Variants in PLCE1 observed in about 807,000 individuals in gnomAD.
PLCE1 encodes the protein 1-phosphatidylinositol 4,5-bisphosphate phosphodiesterase epsilon-1.
PLCE1 carries 119 observed loss-of-function variants against 242.8 expected under a neutral mutation model. The ratio of observed to expected loss-of-function variants is 0.49; its 90% CI spans 0.42 to 0.57. The LOEUF is 0.57. Ranked by LOEUF, PLCE1 falls within the 20% of genes least tolerant of loss-of-function variation. The pLI is 0.00. For synonymous variants in PLCE1, 945 were observed against 1,017.4 expected (o/e 0.93, Z 1.35); for missense variants, 2,441 against 2,788.8 (o/e 0.88, Z 2.81).
intron 2 of PLCE1, chr10:94,094,613 T>C (rs1345222161): frequency 6.6e-6 from 1 of 152,152 alleles, no homozygotes; most frequent in African/African-American, 2.4e-5. Context: ...AGGAAGGGAA[T>C]GATTAGACAT....
chr10:94,160,983 A>C (rs1018429115), intron 3 of PLCE1, among the ~76,000 whole-genome samples: 1 of 152,192 alleles, frequency 6.6e-6, no homozygotes, highest in African/African-American at 2.4e-5. Context: ...TTTTGGTACC[A>C]GTACCATGCT....
chr10:94,231,954 GTGGGGACCCCTGGTCTAAGAC>G (rs1032045339), intron 5 of PLCE1, among the ~76,000 whole-genome samples: 9 of 152,208 alleles, frequency 5.9e-5, no homozygotes, highest in African/African-American at 2.2e-4. Flanking sequence ...CGGCCCAGGG[GTGGGGACCCCTGGTCTAAGAC>G]TATCTACCAT....
At chr10:94,084,110 G>A (rs1476167299) in intron 2 of PLCE1, among the ~76,000 whole-genome samples, 1 of 152,218 alleles carries the variant, frequency 6.6e-6, no homozygotes, top group Non-Finnish European at 1.5e-5. Flanking sequence ...TTGGAGTAAG[G>A]AGTGCGCTTC....
chr10:94,308,552 A>T (rs1249514417), intron 26 of PLCE1, 29 bp from the exon 27 acceptor site: 4 of 1,461,058 alleles, frequency 2.7e-6, no homozygotes, highest in Non-Finnish European at 3.8e-6. Context: ...CATGGTTAAC[A>T]AGCTTTTCCC....
chr10:94,211,852 C>T (rs2049341593), intron 4 of PLCE1, among the ~76,000 whole-genome samples: 1 of 152,142 alleles, frequency 6.6e-6, no homozygotes, highest in African/African-American at 2.4e-5. Flanking sequence ...AGAGGACCTA[C>T]TGAACTACTG....
chr10:94,048,919 T>A (rs780852639), intron 2 of PLCE1, among the ~76,000 whole-genome samples: 8 of 151,168 alleles, frequency 5.3e-5, no homozygotes, highest in Non-Finnish European at 1.2e-4. Context: ...CAGGCATGCA[T>A]GCCTGGCTAT....
At position 94,245,472 on chromosome 10, in the gene PLCE1, G is replaced by T. The variant is rs1026077320; in HGVS notation, c.2421-474G>T. On this transcript the variant is annotated intron_variant, in intron 7 of 32. Transcript: ENST00000371380. The stretch of plus-strand genomic sequence containing the variant: ...CTAAAGATAAGAATACAGTTATAAA[G>T]AATATTAGAATACGGTTATAAAAAG... Among the ~76,000 whole-genome samples the T allele has an allele frequency of 7.9e-5, 12 of 151,892 alleles. No individual in the cohort carries two copies. The South Asian group carries it at 2.5e-3, about 32-fold the overall frequency.
intron 2 of PLCE1, among the ~76,000 whole-genome samples, chr10:94,097,908 A>T (rs1168892630): frequency 6.6e-6 from 1 of 152,152 alleles, no homozygotes; most frequent in African/African-American, 2.4e-5. Flanking sequence ...AAGGAGAGGA[A>T]AGAGACAAAG....
intron 17 of PLCE1, among the ~76,000 whole-genome samples, chr10:94,269,428 C>T (rs1157801221): frequency 6.6e-6 from 1 of 152,000 alleles, no homozygotes; most frequent in Non-Finnish European, 1.5e-5. Flanking sequence ...AAATCAGTGA[C>T]TTGACCAAAT....
chr10:94,282,730 A>T (rs2052285854), intron 20 of PLCE1, among the ~76,000 whole-genome samples: 2 of 152,068 alleles, frequency 1.3e-5, no homozygotes, highest in Non-Finnish European at 2.9e-5. Context: ...TGTTTAATTT[A>T]TCTGGTGTTT....
Position 94,264,741 on chromosome 10 carries a change from C to T in PLCE1, c.4054-906C>T, listed in dbSNP as rs375293512. On this transcript the variant is annotated intron_variant, in intron 14 of 32. Coordinates refer to ENST00000371380, the MANE Select transcript of PLCE1 (RefSeq NM_016341.4). ...TTCACCATGTTGGCCAGGCTGGTCT[C>T]GAACTCCTGACCTCGTGATCCACCC... 7.9e-5 allele frequency among the ~76,000 whole-genome samples: 12 copies of T among 151,844 alleles called. No individual in the cohort carries two copies. The East Asian group carries it at 2.3e-3, about 30-fold the overall frequency.
chr10:94,003,412 T>C (rs2060969814), intron 1 of PLCE1, among the ~76,000 whole-genome samples: 1 of 152,238 alleles, frequency 6.6e-6, no homozygotes, highest in Non-Finnish European at 1.5e-5. Context: ...CCTGCTCATG[T>C]GTTCTATCAG....
At chr10:94,024,976 A>G (rs1005457952) in intron 1 of PLCE1, among the ~76,000 whole-genome samples, 2 of 152,002 alleles carry the variant, frequency 1.3e-5, no homozygotes, top group Non-Finnish European at 2.9e-5. Flanking sequence ...GTGACAGAAA[A>G]CCCAAGACAA....
At chr10:94,051,553 C>T (rs79000698) in intron 2 of PLCE1, among the ~76,000 whole-genome samples, 2,712 of 152,142 alleles carry the variant, frequency 0.018, 72 homozygotes, top group African/African-American at 0.052. Context: ...CCAAAACTAG[C>T]CGGAAATTTC....
chr10:94,003,592 G>A (rs545092982), intron 1 of PLCE1, among the ~76,000 whole-genome samples: 4 of 15,880 alleles, frequency 2.5e-4, no homozygotes, highest in Admixed American at 9.5e-4. Flanking sequence ...CATCAAATGC[G>A]AGAATTAAAA....
chr10:94,278,367 A>G (rs1295350299), intron 19 of PLCE1, among the ~76,000 whole-genome samples: 1 of 152,208 alleles, frequency 6.6e-6, no homozygotes, highest in African/African-American at 2.4e-5. Flanking sequence ...GGAATAAACT[A>G]CAGTAATATA....
At chr10:94,036,755 G>A (rs1300206997) in intron 2 of PLCE1, among the ~76,000 whole-genome samples, 1 of 152,106 alleles carries the variant, frequency 6.6e-6, no homozygotes, top group Admixed American at 6.6e-5. Context: ...GAGGAGTTTA[G>A]ATACATATAG....
intron 1 of PLCE1, among the ~76,000 whole-genome samples, chr10:94,018,350 T>G (rs538990958): frequency 3.4e-4 from 52 of 152,314 alleles, no homozygotes; most frequent in African/African-American, 1.2e-3. Context: ...AGAACTTTCC[T>G]GGGCTTGCCC....
At position 94,325,088 on chromosome 10, in the gene PLCE1, C is replaced by T. The variant is rs1471036525; in HGVS notation, c.*8C>T. ...ATGGATTACCGACAGTGACTAAGGG[C>T]AGCATGTTTAACCCAGGTATAGTAA... On this transcript the variant is annotated 3_prime_UTR_variant, in exon 32 of 33. Transcript: ENST00000371380. 1 of 1,612,976 alleles carries T rather than the reference C, an allele frequency of 6.2e-7. No homozygotes were observed. The highest frequency in any genetic ancestry group is 1.3e-5 in the African/African-American group (1 of 74,882).
Sources: gnomAD v4.1 joint callset for allele counts (sites outside exome capture counted in the v4.1 genomes callset) on GRCh38, gnomAD v4.1.1 for gene constraint, MANE v1.5 for transcripts, NCBI Gene and HGNC (gene_info 2026-07-23, HGNC 2026-07-21) for gene names.